EHD2: variants seen among roughly 807,000 people sequenced by gnomAD.
EHD2 encodes the protein EH domain containing 2.
In EHD2, 27 loss-of-function variants were observed where a neutral mutation model predicts 41.0. That is an observed-to-expected ratio of 0.66 (90% confidence interval 0.49 to 0.91). EHD2 has a LOEUF of 0.91. Among genes scored for constraint, EHD2 ranks in the 40% least tolerant of loss-of-function variants. The pLI is 0.00. For synonymous variants in EHD2, 342 were observed against 341.0 expected (o/e 1.00, Z -0.03); for missense variants, 673 against 773.9 (o/e 0.87, Z 1.55).
intron 4 of EHD2, chr19:47,731,284 A>ATATATATATATGTG (rs1555793906): frequency 3.6e-5 from 2 of 54,910 alleles, no homozygotes; most frequent in Non-Finnish European, 1.0e-4. Flanking sequence ...AAAAAAATAT[A>ATATATATATATGTG]TATATATATA....
intron 4 of EHD2, chr19:47,731,275 A>ATAT (rs1294935668): frequency 5.2e-4 from 13 of 25,154 alleles, no homozygotes; most frequent in African/African-American, 1.4e-3. Context: ...TTTAAAAAAA[A>ATAT]AAAAATATAT....
chr19:47,725,077 G>A (rs143843285), intron 3 of EHD2, among the ~76,000 whole-genome samples: 64 of 151,316 alleles, frequency 4.2e-4, no homozygotes, highest in African/African-American at 1.4e-3. Context: ...TTGCTGGATC[G>A]TGGGGAGATA....
chr19:47,736,752 C>A (rs1966927460), intron 5 of EHD2, among the ~76,000 whole-genome samples: 1 of 152,178 alleles, frequency 6.6e-6, no homozygotes, highest in South Asian at 2.1e-4. Flanking sequence ...GAGAGTTTTT[C>A]TTTCTTTCCT....
At chr19:47,731,913 G>C (rs956242036) in intron 4 of EHD2, among the ~76,000 whole-genome samples, 5 of 144,614 alleles carry the variant, frequency 3.5e-5, no homozygotes, top group African/African-American at 1.3e-4. Context: ...TCAGCCTCCC[G>C]AGTAGCTGGG....
intron 4 of EHD2, among the ~76,000 whole-genome samples, chr19:47,730,230 C>A (rs916211498): frequency 2.6e-5 from 4 of 151,094 alleles, no homozygotes; most frequent in Non-Finnish European, 5.9e-5. Flanking sequence ...GAAAAGCCAT[C>A]AGCGCCCTCC....
chr19:47,732,411 G>A (rs1040416119), intron 4 of EHD2, among the ~76,000 whole-genome samples: 2 of 149,080 alleles, frequency 1.3e-5, no homozygotes, highest in Non-Finnish European at 1.5e-5. Flanking sequence ...GAGCCACCGC[G>A]CCTGGCCTAT....
In EHD2 at chr19:47,736,545, C is replaced by T. The variant is rs1198567774; in HGVS notation, c.1080+12C>T. On this transcript the variant is annotated intron_variant, in intron 5 of 5. Coordinates refer to ENST00000263277, the MANE Select transcript of EHD2 (RefSeq NM_014601.4). ...GCCAGAAAATGCAGGTGGGAAGCTG[C>T]CCAGGAGGGAATGTTGGGGGTGGGT... The T allele has an allele frequency of 1.9e-6, 3 of 1,566,996 alleles. No individual in the cohort carries two copies. The highest frequency in any genetic ancestry group is 1.9e-5 in the Admixed American group (1 of 53,218).
chr19:47,718,573 A>G lies in EHD2; in HGVS notation c.469A>G (p.Ile157Val). The G allele has an allele frequency of 1.3e-6, 2 of 1,579,732 alleles. No individual in the cohort carries two copies. The highest frequency in any genetic ancestry group is 1.7e-4 in the Middle Eastern group (1 of 6,008). ...CATCAGCATCATCGACACCCCGGGTATCCTGTCGGGTGCCAAGCAGAGAGT... is the reference window on the plus strand; with the variant it reads ...CATCAGCATCATCGACACCCCGGGTGTCCTGTCGGGTGCCAAGCAGAGAGT... ...ESISIIDTPG[I>V]LSGAKQRVSR... The change falls in exon 3 of 6, where the codon ATC (isoleucine) becomes GTC (valine). Residue 157 changes from isoleucine (I) to valine (V), a missense_variant. Transcript: ENST00000263277.
At position 47,715,639 on chromosome 19, in the gene EHD2, C is replaced by T. The variant is rs146515513; in HGVS notation, c.-55-919C>T. Among the ~76,000 whole-genome samples the T allele has an allele frequency of 4.6e-3, 696 of 152,176 alleles. 4 individuals carry two copies. Among genetic ancestry groups the T allele is most frequent in the African/African-American group, 0.016 (666 of 41,522 alleles). ...AGAAGGGAGGAAGAAATGAATGAAG[C>T]GATTAAGGAATCCGTTTCTTCCAGG... On this transcript the variant is annotated intron_variant, in intron 1 of 5. Transcript: ENST00000263277.
chr19:47,725,564 C>T (rs948217863), intron 3 of EHD2, among the ~76,000 whole-genome samples: 10 of 152,148 alleles, frequency 6.6e-5, no homozygotes, highest in Admixed American at 2.6e-4. Context: ...GGGATGATTG[C>T]CCCCTGTAGC....
intron 3 of EHD2, 76 bp downstream of exon 3, chr19:47,718,682 C>G: frequency 8.0e-7 from 1 of 1,256,564 alleles, no homozygotes; most frequent in African/African-American, 1.8e-5. Context: ...GGAGGAGGGA[C>G]TGGGCCCGGA....
rs746091692 is a variant in EHD2 at position 47,716,818 on chromosome 19, C to T, written c.206C>T (p.Thr69Met). ...GTGCTGGTGGCCGGCCAGTACAGCA[C>T]GGGCAAGACCAGCTTCATCCAGTAC... ...PMVLVAGQYS[T>M]GKTSFIQYLL... is the part of the protein sequence containing the mutation. Residue 69 changes from threonine (T) to methionine (M), a missense_variant, in exon 2 of 6, where the codon ACG (threonine) becomes ATG (methionine). Thr to Met is a moderately conservative substitution (Grantham distance 81). Transcript: ENST00000263277. 9.9e-6 allele frequency: 16 copies of T among 1,609,604 alleles called. No individual in the cohort carries two copies. The highest frequency in any genetic ancestry group is 3.3e-5 in the South Asian group (3 of 90,328).
chr19:47,718,407 G>A (rs1973653550), intron 2 of EHD2, 102 bp from the exon 3 acceptor site: 1 of 978,084 alleles, frequency 1.0e-6, no homozygotes, highest in East Asian at 2.8e-5. Context: ...CGCCCATAAA[G>A]GATGCTTTGC....
At chr19:47,740,805 C>T in intron 5 of EHD2, 76 bp from the exon 6 acceptor site, 1 of 1,513,286 alleles carries the variant, frequency 6.6e-7, no homozygotes, top group African/African-American at 1.4e-5. Context: ...CTCCAGTGTC[C>T]TGATACCACC....
chr19:47,722,275 CCTCCCCGCCCCATGAGACACA>C (rs1226633297), intron 3 of EHD2, among the ~76,000 whole-genome samples: 1 of 152,132 alleles, frequency 6.6e-6, no homozygotes, highest in African/African-American at 2.4e-5. Context: ...TCCCTTCTTC[CCTCCCCGCCCCATGAGACACA>C]CTTTCCGAAT....
chr19:47,715,070 TAAATAAATA>T (rs1261770651), intron 1 of EHD2, among the ~76,000 whole-genome samples: 30 of 150,204 alleles, frequency 2.0e-4, no homozygotes, highest in African/African-American at 7.4e-4. Flanking sequence ...AATAAATAAA[TAAATAAATA>T]AAAAGAAAGA....
At chr19:47,726,665 T>C (rs1973756874) in intron 4 of EHD2, among the ~76,000 whole-genome samples, 1 of 151,194 alleles carries the variant, frequency 6.6e-6, no homozygotes, top group Non-Finnish European at 1.5e-5. Flanking sequence ...TTACATCCTC[T>C]TTCGTTCCCT....
chr19:47,735,017 C>A (rs10413574), intron 4 of EHD2, among the ~76,000 whole-genome samples: 97,484 of 152,042 alleles, frequency 0.64, 31,469 homozygotes, highest in South Asian at 0.7. Context: ...GCGCCACTGT[C>A]CTCCAGCCTG....
At chr19:47,734,189 G>A (rs1966898627) in intron 4 of EHD2, among the ~76,000 whole-genome samples, 1 of 152,096 alleles carries the variant, frequency 6.6e-6, no homozygotes, top group Non-Finnish European at 1.5e-5. Context: ...CAGGGGAGAG[G>A]CTGGGCGTAG....
Sources: gnomAD v4.1 joint callset for allele counts (sites outside exome capture counted in the v4.1 genomes callset) on GRCh38, gnomAD v4.1.1 for gene constraint, MANE v1.5 for transcripts, NCBI Gene and HGNC (gene_info 2026-07-23, HGNC 2026-07-21) for gene names.